LRRC7: variants seen among roughly 807,000 people sequenced by gnomAD.
LRRC7 encodes leucine-rich repeat-containing protein 7.
A neutral mutation model predicts 175.7 loss-of-function variants in LRRC7; 23 were observed. The observed-to-expected ratio is 0.13, with a 90% CI of 0.09 to 0.19. The LOEUF (loss-of-function observed/expected upper bound fraction) is 0.19, where lower values mean the gene tolerates loss of function less well. Ranked by LOEUF, LRRC7 falls within the 10% of genes least tolerant of loss-of-function variation. The probability of loss-of-function intolerance (pLI) is 1.00; values close to 1 mark genes in which losing one functional copy is unlikely to be tolerated. For synonymous variants in LRRC7, 685 were observed against 680.9 expected, an observed-to-expected ratio of 1.01 and a Z score of -0.09; for missense variants, 1,354 against 1,904.7, an observed-to-expected ratio of 0.71 and a Z score of 5.38.
chr1:70,131,288 C>G lies in LRRC7; in HGVS notation c.*9401C>G, dbSNP rs1666653687. On this transcript the variant is annotated 3_prime_UTR_variant, in exon 27 of 27. Transcript: ENST00000651989. ...AAGGGACAAAAAATGGAATCCAGCC[C>G]CTTAAAACAAAAATGATATCTAACT... Among the ~76,000 whole-genome samples, 1 of 152,094 alleles carries G rather than the reference C, an allele frequency of 6.6e-6. No homozygotes were observed. Among genetic ancestry groups the G allele is most frequent in the African/African-American group, 2.4e-5 (1 of 41,394 alleles).
At chr1:69,627,487 T>A (rs1246479970) in intron 1 of LRRC7, among the ~76,000 whole-genome samples, 1 of 152,216 alleles carries the variant, frequency 6.6e-6, no homozygotes, top group African/African-American at 2.4e-5. Context: ...CTTTGTCAGA[T>A]GGGTAGATTG....
chr1:69,582,576 G>A (rs1241688157), intron 1 of LRRC7, among the ~76,000 whole-genome samples: 1 of 152,202 alleles, frequency 6.6e-6, no homozygotes, highest in Non-Finnish European at 1.5e-5. Flanking sequence ...GCCTGGCATG[G>A]CAAGGGAACA....
chr1:69,636,931 G>A (rs1427119284), intron 1 of LRRC7, among the ~76,000 whole-genome samples: 1 of 151,840 alleles, frequency 6.6e-6, no homozygotes, highest in Non-Finnish European at 1.5e-5. Context: ...TTTTATTCAT[G>A]ATGTTTCAAC....
chr1:69,889,328 T>G (rs549464129), intron 7 of LRRC7, among the ~76,000 whole-genome samples: 2 of 152,348 alleles, frequency 1.3e-5, no homozygotes, highest in South Asian at 4.1e-4. Context: ...GATGCTAAGA[T>G]TTCTCTGTAG....
intron 1 of LRRC7, among the ~76,000 whole-genome samples, chr1:69,571,892 T>C (rs1393732927): frequency 1.3e-5 from 2 of 152,190 alleles, no homozygotes; most frequent in African/African-American, 4.8e-5. Flanking sequence ...TTCATAGTTT[T>C]TTGAAAAAAT....
rs531594924 is a variant in LRRC7, at chr1:70,135,264, T to C, written c.*13377T>C. 3.0e-4 allele frequency among the ~76,000 whole-genome samples: 46 copies of C among 152,276 alleles called. No individual in the cohort carries two copies. Among genetic ancestry groups the C allele is most frequent in the African/African-American group, 1.1e-3 (45 of 41,566 alleles). ...CTTGCTATCCAGCCACTAGCATAGT[T>C]CCCCAGGAGCAGGCTATGATCATCT... On this transcript the variant is annotated 3_prime_UTR_variant, in exon 27 of 27. Coordinates refer to ENST00000651989, the MANE Select transcript of LRRC7 (RefSeq NM_001370785.2).
chr1:69,807,052 G>A lies in LRRC7; in HGVS notation c.421+14892G>A, dbSNP rs544009015. ...ATTGATCCCTTTACCATTATGTAATGTCCTTCTTTGTCTCTTTTGATCTTT... is the reference window on the plus strand; with the variant it reads ...ATTGATCCCTTTACCATTATGTAATATCCTTCTTTGTCTCTTTTGATCTTT... On this transcript the variant is annotated intron_variant, in intron 4 of 26. Coordinates refer to ENST00000651989, the MANE Select transcript of LRRC7 (RefSeq NM_001370785.2). Among the ~76,000 whole-genome samples, 8 of 152,178 alleles carry A rather than the reference G, an allele frequency of 5.3e-5. No individual in the cohort carries two copies. In the East Asian group the frequency reaches 1.5e-3, roughly 29 times the overall value.
At chr1:69,827,803 C>A (rs573290566) in intron 5 of LRRC7, among the ~76,000 whole-genome samples, 1 of 152,162 alleles carries the variant, frequency 6.6e-6, no homozygotes, top group East Asian at 1.9e-4. Context: ...CATGCCCCTG[C>A]ACTCCATCCT....
chr1:69,991,280 A>G (rs1024550712), intron 10 of LRRC7, among the ~76,000 whole-genome samples: 2 of 152,226 alleles, frequency 1.3e-5, no homozygotes, highest in Admixed American at 1.3e-4. Context: ...TGAAGAAGTC[A>G]GCATGTAATA....
chr1:70,034,196 C>T (rs1291768818), intron 18 of LRRC7, among the ~76,000 whole-genome samples: 2 of 152,042 alleles, frequency 1.3e-5, no homozygotes, highest in African/African-American at 4.8e-5. Flanking sequence ...TAAATTTCTC[C>T]AAAGGTATAT....
At chr1:69,918,297 A>G (rs1646779904) in intron 7 of LRRC7, among the ~76,000 whole-genome samples, 1 of 152,220 alleles carries the variant, frequency 6.6e-6, no homozygotes, top group Non-Finnish European at 1.5e-5. Flanking sequence ...TTGTAACTCC[A>G]GTGCCCACAG....
At chr1:69,853,580 T>C (rs1175977026) in intron 7 of LRRC7, among the ~76,000 whole-genome samples, 2 of 151,950 alleles carry the variant, frequency 1.3e-5, no homozygotes, top group Non-Finnish European at 2.9e-5. Context: ...CCCTGCCCAT[T>C]TGTTCCTCTT....
At chr1:70,031,404 C>G (rs898499752) in intron 18 of LRRC7, among the ~76,000 whole-genome samples, 1 of 152,058 alleles carries the variant, frequency 6.6e-6, no homozygotes, top group Admixed American at 6.5e-5. Context: ...ACTTCATCAC[C>G]TATGTGTTCA....
At chr1:69,613,114 C>G (rs192631727) in intron 1 of LRRC7, among the ~76,000 whole-genome samples, 1 of 152,074 alleles carries the variant, frequency 6.6e-6, no homozygotes, top group East Asian at 1.9e-4. Flanking sequence ...ACAAGTATAG[C>G]ATAGACTATA....
intron 2 of LRRC7, among the ~76,000 whole-genome samples, chr1:69,687,401 T>G (rs1661284996): frequency 6.6e-6 from 1 of 150,936 alleles, no homozygotes; most frequent in Non-Finnish European, 1.5e-5. Context: ...TCCCAGCTAC[T>G]CAGGAGGCTG....
At chr1:69,719,509 A>G (rs1035071086) in intron 2 of LRRC7, among the ~76,000 whole-genome samples, 2 of 151,594 alleles carry the variant, frequency 1.3e-5, no homozygotes, top group Admixed American at 6.6e-5. Flanking sequence ...CTCATGTGCA[A>G]TTTTCCACCT....
At chr1:69,919,974 G>A (rs1349366012) in intron 7 of LRRC7, 1 of 544,072 alleles carries the variant, frequency 1.8e-6, no homozygotes, top group South Asian at 2.2e-5. Context: ...TTCCAGACTG[G>A]GGGCCCTTCC....
At chr1:69,658,143 A>C (rs1471324147) in intron 1 of LRRC7, among the ~76,000 whole-genome samples, 1 of 151,904 alleles carries the variant, frequency 6.6e-6, no homozygotes, top group Admixed American at 6.6e-5. Flanking sequence ...GGAATGAGTG[A>C]AATGTGAATC....
At chr1:70,094,439 G>A (rs369635652) in intron 25 of LRRC7, among the ~76,000 whole-genome samples, 1 of 151,954 alleles carries the variant, frequency 6.6e-6, no homozygotes, top group East Asian at 1.9e-4. Flanking sequence ...AAAATTCCAA[G>A]CCATCGAAAG....
Sources: gnomAD v4.1 joint callset for allele counts (sites outside exome capture counted in the v4.1 genomes callset) on GRCh38, gnomAD v4.1.1 for gene constraint, MANE v1.5 for transcripts, NCBI Gene and HGNC (gene_info 2026-07-23, HGNC 2026-07-21) for gene names.